Variants in KLHL29 observed in about 807,000 individuals in gnomAD.
KLHL29 encodes kelch-like protein 29.
KLHL29 carries 21 observed loss-of-function variants against 80.4 expected under a neutral mutation model. The observed-to-expected ratio is 0.26, with a 90% CI of 0.19 to 0.38. The LOEUF is 0.38. KLHL29 is among the 10% of genes least tolerant of loss of function. The pLI is 1.00. For synonymous variants in KLHL29, 511 were observed against 526.8 expected, an observed-to-expected ratio of 0.97 and a Z score of 0.41; for missense variants, 867 against 1,223.9, an observed-to-expected ratio of 0.71 and a Z score of 4.35.
chr2:23,537,281 CA>C (rs1225896075), intron 2 of KLHL29, among the ~76,000 whole-genome samples: 1 of 152,152 alleles, frequency 6.6e-6, no homozygotes, highest in African/African-American at 2.4e-5. Flanking sequence ...TCTGTTGCCT[CA>C]GTGGGAGGGG....
intron 3 of KLHL29, among the ~76,000 whole-genome samples, chr2:23,576,187 C>A (rs1223003903): frequency 6.6e-6 from 1 of 151,916 alleles, no homozygotes; most frequent in Non-Finnish European, 1.5e-5. Context: ...CACCTGTAAT[C>A]TCAGCTGCTT....
At chr2:23,595,072 G>C (rs2103518761) in intron 3 of KLHL29, among the ~76,000 whole-genome samples, 1 of 152,304 alleles carries the variant, frequency 6.6e-6, no homozygotes, top group South Asian at 2.1e-4. Flanking sequence ...GAGACGGAGT[G>C]TTTGGAATAT....
intron 5 of KLHL29, among the ~76,000 whole-genome samples, chr2:23,683,970 A>G (rs1671166708): frequency 6.6e-6 from 1 of 152,140 alleles, no homozygotes; most frequent in East Asian, 1.9e-4. Flanking sequence ...CCCATCTTAC[A>G]TCACAGTGCC....
chr2:23,392,005 G>T (rs569415686), intron 1 of KLHL29, among the ~76,000 whole-genome samples: 2 of 152,294 alleles, frequency 1.3e-5, no homozygotes, highest in South Asian at 4.1e-4. Flanking sequence ...GTGCTTCCTA[G>T]CTGTGTGACC....
At chr2:23,528,561 G>A (rs1473491543) in intron 2 of KLHL29, among the ~76,000 whole-genome samples, 1 of 152,162 alleles carries the variant, frequency 6.6e-6, no homozygotes, top group African/African-American at 2.4e-5. Context: ...GAGCCTCCAG[G>A]CTTTATTCCC....
intron 3 of KLHL29, among the ~76,000 whole-genome samples, chr2:23,623,957 T>G (rs1273894182): frequency 6.6e-6 from 1 of 152,184 alleles, no homozygotes; most frequent in African/African-American, 2.4e-5. Context: ...AGTGAATCCA[T>G]GAACTAACTC....
chr2:23,678,585 T>C (rs753909576), intron 5 of KLHL29, among the ~76,000 whole-genome samples: 5 of 152,194 alleles, frequency 3.3e-5, no homozygotes, highest in Admixed American at 6.5e-5. Context: ...TAGCCCAAAC[T>C]GCCAAACCAG....
At chr2:23,606,623 C>T (rs1388070706) in intron 3 of KLHL29, among the ~76,000 whole-genome samples, 3 of 152,214 alleles carry the variant, frequency 2.0e-5, no homozygotes, top group African/African-American at 7.2e-5. Flanking sequence ...AAATCATTCA[C>T]TGCTTGATGG....
intron 3 of KLHL29, among the ~76,000 whole-genome samples, chr2:23,608,837 T>C (rs902102458): frequency 6.6e-6 from 1 of 152,230 alleles, no homozygotes; most frequent in Admixed American, 6.5e-5. Flanking sequence ...ACTTATATGC[T>C]CTGTTTTATC....
rs1672793419 is a variant in KLHL29 at position 23,707,299 on chromosome 2, G to A, written c.*635G>A. 1 of 152,162 alleles carries A rather than the reference G, an allele frequency of 6.6e-6. No homozygotes were observed. The highest frequency in any genetic ancestry group is 2.1e-4 in the South Asian group (1 of 4,830). 9.4% of individuals were successfully genotyped at this position (152,162 alleles called of 1,614,324 possible). ...TCTGTCCTTCACAGGTTTTTCTACT[G>A]TGTTTTTGCTGGAGAAGGACAGTGA... On this transcript the variant is annotated 3_prime_UTR_variant, in exon 14 of 14. Transcript: ENST00000486442.
At chr2:23,483,606 G>A (rs1240329795) in intron 2 of KLHL29, among the ~76,000 whole-genome samples, 2 of 152,170 alleles carry the variant, frequency 1.3e-5, no homozygotes, top group African/African-American at 2.4e-5. Context: ...AAAGATAGAC[G>A]ATTTATGTTA....
chr2:23,507,559 C>T (rs561991205), intron 2 of KLHL29, among the ~76,000 whole-genome samples: 36 of 152,300 alleles, frequency 2.4e-4, no homozygotes, highest in African/African-American at 7.0e-4. Flanking sequence ...TTTGTAGTGC[C>T]TCTCGGCAGA....
chr2:23,499,977 G>A (rs929428164), intron 2 of KLHL29, among the ~76,000 whole-genome samples: 1 of 152,210 alleles, frequency 6.6e-6, no homozygotes, highest in Non-Finnish European at 1.5e-5. Context: ...TTTGGTTTTA[G>A]CGTTGTGAGG....
intron 2 of KLHL29, among the ~76,000 whole-genome samples, chr2:23,488,895 C>A (rs563299499): frequency 6.6e-6 from 1 of 152,336 alleles, no homozygotes; most frequent in Non-Finnish European, 1.5e-5. Flanking sequence ...GAAGGGACCA[C>A]ATCCTAAATC....
chr2:23,685,765 G>A (rs1044201353), intron 6 of KLHL29, among the ~76,000 whole-genome samples: 2 of 152,188 alleles, frequency 1.3e-5, no homozygotes, highest in Non-Finnish European at 2.9e-5. Flanking sequence ...TGGGGTGAAG[G>A]GACATGTCTA....
chr2:23,603,446 G>C (rs1410635244), intron 3 of KLHL29, among the ~76,000 whole-genome samples: 1 of 152,170 alleles, frequency 6.6e-6, no homozygotes, highest in African/African-American at 2.4e-5. Context: ...CCTGAGCTCT[G>C]TGTCTCGGGA....
chr2:23,676,243 C>T (rs1003675068), intron 5 of KLHL29, among the ~76,000 whole-genome samples: 1 of 151,818 alleles, frequency 6.6e-6, no homozygotes, highest in Non-Finnish European at 1.5e-5. Context: ...AGTGCAGTGG[C>T]GCGATCTCAG....
intron 3 of KLHL29, among the ~76,000 whole-genome samples, chr2:23,626,807 G>A (rs1669321203): frequency 6.6e-6 from 1 of 152,228 alleles, no homozygotes; most frequent in Non-Finnish European, 1.5e-5. Context: ...AGCACGTGCA[G>A]ACAGAAGCCC....
intron 2 of KLHL29, among the ~76,000 whole-genome samples, chr2:23,486,195 C>A (rs370491336): frequency 5.9e-5 from 9 of 152,294 alleles, no homozygotes; most frequent in African/African-American, 2.2e-4. Flanking sequence ...GGTCCTGGGG[C>A]CCCTCCCACT....
Sources: gnomAD v4.1 joint callset for allele counts (sites outside exome capture counted in the v4.1 genomes callset) on GRCh38, gnomAD v4.1.1 for gene constraint, MANE v1.5 for transcripts, NCBI Gene and HGNC (gene_info 2026-07-23, HGNC 2026-07-21) for gene names.